Variants in ANKMY2 observed in about 807,000 individuals in gnomAD.
ANKMY2 encodes ankyrin repeat and MYND domain containing 2, also known as ankyrin repeat and MYND domain-containing protein 2.
A neutral mutation model predicts 50.4 loss-of-function variants in ANKMY2; 36 were observed. The observed-to-expected ratio is 0.71, with a 90% CI of 0.55 to 0.94. The LOEUF (loss-of-function observed/expected upper bound fraction) is 0.94. ANKMY2 is among the 40% of genes least tolerant of loss of function. The pLI, the probability that ANKMY2 is intolerant of heterozygous loss-of-function variation, is 0.00. For synonymous variants in ANKMY2, 187 were observed against 178.8 expected, an observed-to-expected ratio of 1.05 and a Z score of -0.36; for missense variants, 565 against 524.0, an observed-to-expected ratio of 1.08 and a Z score of -0.76.
At chr7:16,637,371 T>C (rs1336839882) in intron 1 of ANKMY2, among the ~76,000 whole-genome samples, 1 of 152,210 alleles carries the variant, frequency 6.6e-6, no homozygotes, top group Admixed American at 6.5e-5. Flanking sequence ...AAAGGTGAAA[T>C]GCAAAATAAA....
chr7:16,622,546 G>C (rs1357251034), intron 4 of ANKMY2, among the ~76,000 whole-genome samples: 1 of 152,024 alleles, frequency 6.6e-6, no homozygotes, highest in African/African-American at 2.4e-5. Context: ...AGACCAGCCT[G>C]ACCAACATGG....
rs146470066 is a variant in ANKMY2 at position 16,619,216 on chromosome 7, C to T, written c.371-3312G>A. ...TTGCCCAGGCTAGAGTGCAATGGCG[C>T]GATCTTGGCTCACCGCAACCTCCGC... On this transcript the variant is annotated intron_variant, in intron 4 of 9. Coordinates refer to ENST00000306999, the MANE Select transcript of ANKMY2 (RefSeq NM_020319.3). Among the ~76,000 whole-genome samples, 44 of 150,668 alleles carry T rather than the reference C, an allele frequency of 2.9e-4. 1 individual carries two copies. The East Asian group carries it at 7.6e-3, about 26-fold the overall frequency.
At chr7:16,642,620 T>C (rs989474824) in intron 1 of ANKMY2, among the ~76,000 whole-genome samples, 2 of 151,800 alleles carry the variant, frequency 1.3e-5, no homozygotes, top group Non-Finnish European at 2.9e-5. Context: ...TTGTCTCATC[T>C]AGAGTTTTTC....
At position 16,602,374 on chromosome 7, in the gene ANKMY2, A is replaced by G. The variant is rs762744024; in HGVS notation, c.1141+6T>C. ...AGCAGAGTGAACTCGGTTTTTATAT[A>G]CATACGGTTTTCCTCTTGTCTCTTT... On this transcript the variant is annotated splice_donor_region_variant and intron_variant, in intron 9 of 9. Coordinates refer to ENST00000306999, the MANE Select transcript of ANKMY2 (RefSeq NM_020319.3). 4 of 1,611,468 alleles carry G rather than the reference A, an allele frequency of 2.5e-6. No individual in the cohort carries two copies. Among genetic ancestry groups the G allele is most frequent in the Admixed American group, 1.7e-5 (1 of 59,508 alleles).
At position 16,644,888 on chromosome 7, in the gene ANKMY2, G is replaced by C. The variant is rs1583689972; in HGVS notation, c.67+619C>G. ...TCTGTGCAACGTGGGCCGAGGGGTGGGTGTGGAGGCCTCGCCAATTTCCTT... is the reference window on the plus strand; with the variant it reads ...TCTGTGCAACGTGGGCCGAGGGGTGCGTGTGGAGGCCTCGCCAATTTCCTT... On this transcript the variant is annotated intron_variant, in intron 1 of 9. Transcript: ENST00000306999. 8.6e-6 allele frequency: 3 copies of C among 349,276 alleles called. No homozygotes were observed. The East Asian group carries it at 2.4e-4, about 28-fold the overall frequency. 21.6% of individuals were successfully genotyped at this position (349,276 alleles called of 1,614,324 possible).
chr7:16,610,183 C>T (rs946503582), intron 6 of ANKMY2, among the ~76,000 whole-genome samples: 5 of 152,260 alleles, frequency 3.3e-5, no homozygotes, highest in African/African-American at 1.2e-4. Flanking sequence ...GATACAGTAA[C>T]AGAGACACCC....
At chr7:16,618,375 G>C (rs1036966151) in intron 4 of ANKMY2, among the ~76,000 whole-genome samples, 4 of 151,982 alleles carry the variant, frequency 2.6e-5, no homozygotes, top group Non-Finnish European at 5.9e-5. Context: ...ACAGATGAAA[G>C]AGCTAAAGAA....
intron 4 of ANKMY2, 60 bp downstream of exon 4, chr7:16,624,923 T>G (rs1225202978): frequency 6.7e-7 from 1 of 1,488,452 alleles, no homozygotes; most frequent in Non-Finnish European, 9.3e-7. Context: ...CAAAGTGGGT[T>G]TTTTTTCCAC....
At chr7:16,604,911 G>A in intron 7 of ANKMY2, 62 bp from the exon 8 acceptor site, 1 of 1,515,712 alleles carries the variant, frequency 6.6e-7, no homozygotes, top group Non-Finnish European at 8.9e-7. Context: ...ACACTACAGA[G>A]GTATCAGCCC....
intron 2 of ANKMY2, among the ~76,000 whole-genome samples, chr7:16,632,656 T>C (rs1280957366): frequency 1.3e-5 from 2 of 152,262 alleles, no homozygotes; most frequent in East Asian, 3.8e-4. Context: ...TATTCATCAG[T>C]TGAACATTTG....
At chr7:16,632,089 C>T (rs983857989) in intron 2 of ANKMY2, among the ~76,000 whole-genome samples, 1 of 139,850 alleles carries the variant, frequency 7.2e-6, no homozygotes, top group East Asian at 2.4e-4. Flanking sequence ...TCTTTCCCCC[C>T]GTCTTTCCTT....
chr7:16,606,638 T>C (rs754682540), intron 7 of ANKMY2, among the ~76,000 whole-genome samples: 1 of 152,258 alleles, frequency 6.6e-6, no homozygotes, highest in Non-Finnish European at 1.5e-5. Flanking sequence ...ATTTGCTTTT[T>C]CTTCCTAAGA....
chr7:16,627,176 A>G lies in ANKMY2; in HGVS notation c.135T>C (p.Asn45=). The change falls in exon 3 of 10, where the codon AAT becomes AAC. Residue 45 remains asparagine (N), a splice_region_variant and synonymous_variant. Transcript: ENST00000306999. ...KNVRVNCLDE[N]GMTPLMHAAY... ...CTGCATGCATTAGAGGAGTCATTCC[A>G]TTCTTTAATAGAAAGAGGAAAAAAG... 6.3e-7 allele frequency: 1 copy of G among 1,575,756 alleles called. No homozygotes were observed. The highest frequency in any genetic ancestry group is 1.4e-5 in the African/African-American group (1 of 73,912).
At position 16,600,516 on chromosome 7, in the gene ANKMY2, G is replaced by C. The variant is rs1781028631; in HGVS notation, c.*245C>G. 2 of 333,136 alleles carry C rather than the reference G, an allele frequency of 6.0e-6. No individual in the cohort carries two copies. The highest frequency in any genetic ancestry group is 3.0e-4 in the South Asian group (2 of 6,638). The allele number at this position is 333,136 out of a possible 1,614,324, so 20.6% of individuals were successfully genotyped here. A position where few individuals can be genotyped will look rare whatever the true frequency, so the allele number is the denominator to read the frequency against. On this transcript the variant is annotated 3_prime_UTR_variant, in exon 10 of 10. Coordinates refer to ENST00000306999, the MANE Select transcript of ANKMY2 (RefSeq NM_020319.3). ...AAAGCCAGCCTCAGAAAGGTAATAG[G>C]AATGTTTTTCCTGTATTTTGAAACA...
chr7:16,602,599 A>C, intron 8 of ANKMY2, 90 bp from the exon 9 acceptor site: 1 of 1,455,540 alleles, frequency 6.9e-7, no homozygotes, highest in Non-Finnish European at 9.2e-7. Flanking sequence ...AGCTATAAAA[A>C]TGTCATTTTC....
intron 6 of ANKMY2, among the ~76,000 whole-genome samples, chr7:16,609,980 A>G (rs994331195): frequency 3.9e-5 from 6 of 152,206 alleles, no homozygotes; most frequent in African/African-American, 1.4e-4. Context: ...TGCAAAGGTG[A>G]CTACCACCAT....
rs186144208 is a variant in ANKMY2 at position 16,629,463 on chromosome 7, G to A, written c.133-2285C>T. On this transcript the variant is annotated intron_variant, in intron 2 of 9. Coordinates refer to ENST00000306999, the MANE Select transcript of ANKMY2 (RefSeq NM_020319.3). The stretch of plus-strand genomic sequence containing the variant: ...AAGCAGGAGAAGCACTTGAACCTGG[G>A]AGGTGGAGGTTGCAGTGAGCCGAGA... 4.0e-3 allele frequency among the ~76,000 whole-genome samples: 616 copies of A among 152,274 alleles called. 2 individuals carry two copies. Among genetic ancestry groups the A allele is most frequent in the African/African-American group, 0.014 (587 of 41,562 alleles).
In ANKMY2 at chr7:16,621,968, C is replaced by CA. The variant is rs1241073737; in HGVS notation, c.370+3014dup. Reference sequence around the variant, plus strand: ...TGGGTGACAGAGTGAGACTCCATCTCAAAAAAATAAATAAATAAATAAATA... The same window carrying CA: ...TGGGTGACAGAGTGAGACTCCATCTCAAAAAAAATAAATAAATAAATAAATA... On this transcript the variant is annotated intron_variant, in intron 4 of 9. Transcript: ENST00000306999. 2.0e-5 allele frequency among the ~76,000 whole-genome samples: 3 copies of CA among 148,268 alleles called. No individual in the cohort carries two copies. In the East Asian group the frequency reaches 6.0e-4, roughly 30 times the overall value.
chr7:16,623,566 C>A (rs905407238), intron 4 of ANKMY2, among the ~76,000 whole-genome samples: 27 of 152,144 alleles, frequency 1.8e-4, no homozygotes, highest in African/African-American at 6.3e-4. Context: ...TCCCCTGCTT[C>A]TTTGCATACA....
Sources: allele counts gnomAD v4.1 joint callset (sites outside exome capture counted in the v4.1 genomes callset), GRCh38; gene constraint gnomAD v4.1.1; transcripts MANE v1.5; gene names NCBI Gene and HGNC (gene_info 2026-07-23, HGNC 2026-07-21).